UGGT2: variants seen among roughly 807,000 people sequenced by gnomAD.
The protein encoded by UGGT2 is UDP-glucose:glycoprotein glucosyltransferase 2.
Under a neutral mutation model 192.1 loss-of-function variants are expected in UGGT2, and 180 were observed. The observed-to-expected ratio is 0.94, with a 90% confidence interval of 0.83 to 1.06. The LOEUF (loss-of-function observed/expected upper bound fraction) is 1.06, where lower values mean the gene tolerates loss of function less well. Ranked by LOEUF, UGGT2 falls within the 50% of genes least tolerant of loss-of-function variation. The pLI, the probability that UGGT2 is intolerant of heterozygous loss-of-function variation, is 0.00. For missense variants in UGGT2, 1,849 were observed against 1,795.7 expected, an observed-to-expected ratio of 1.03 and a Z score of -0.54; for synonymous variants, 580 against 591.0, an observed-to-expected ratio of 0.98 and a Z score of 0.27.
intron 22 of UGGT2, among the ~76,000 whole-genome samples, chr13:95,898,474 G>A (rs991455814): frequency 6.6e-6 from 1 of 152,080 alleles, no homozygotes; most frequent in Non-Finnish European, 1.5e-5. Flanking sequence ...ACTCTGTCTA[G>A]AACAATCCTC....
intron 17 of UGGT2, among the ~76,000 whole-genome samples, chr13:95,927,786 G>A (rs1594351745): frequency 6.6e-6 from 1 of 152,054 alleles, no homozygotes; most frequent in African/African-American, 2.4e-5. Flanking sequence ...AAAGGTCTCT[G>A]GTTTTCCTAG....
At chr13:96,022,965 T>C in intron 4 of UGGT2, 75 bp downstream of exon 4, 1 of 1,043,886 alleles carries the variant, frequency 9.6e-7, no homozygotes, top group African/African-American at 1.6e-5. Context: ...AAATTTTTTT[T>C]ATTATAAGAA....
chr13:96,005,482 C>G (rs2051944123), intron 5 of UGGT2, among the ~76,000 whole-genome samples: 1 of 152,296 alleles, frequency 6.6e-6, no homozygotes, highest in South Asian at 2.1e-4. Context: ...CTGCTGAAAT[C>G]CACTTCAGAC....
chr13:95,929,827 T>C (rs2049181628), intron 17 of UGGT2, among the ~76,000 whole-genome samples: 1 of 152,166 alleles, frequency 6.6e-6, no homozygotes, highest in Admixed American at 6.5e-5. Context: ...GGTTGAATGG[T>C]AGTTCTGTTT....
chr13:95,951,668 A>T, intron 12 of UGGT2, among the ~76,000 whole-genome samples: 1 of 152,248 alleles, frequency 6.6e-6, no homozygotes, highest in African/African-American at 2.4e-5. Context: ...ACAGAAATTA[A>T]GTGTTCAACA....
In UGGT2 at chr13:95,949,337, A is replaced by G; in HGVS notation, c.1453T>C (p.Leu485=). Residue 485 remains leucine, a splice_region_variant and synonymous_variant, in exon 13 of 39, where the codon TTG becomes CTG. Transcript: ENST00000376747. ...VPSIRRNFHN[L]VLFIDPAQEY... ...TATAATCAAAATATAAAACTCACCA[A>G]ATTATGAAAATTGCGCCTTATGGAA... The G allele has an allele frequency of 1.3e-6, 2 of 1,533,254 alleles. No homozygotes were observed. The highest frequency in any genetic ancestry group is 2.6e-5 in the South Asian group (2 of 75,710). The allele number at this position is 1,533,254 out of a possible 1,614,324, so 95.0% of individuals were successfully genotyped here. A position where few individuals can be genotyped will look rare whatever the true frequency, so the allele number is the denominator to read the frequency against.
Position 95,877,846 on chromosome 13 carries a change from G to A in UGGT2, c.3239C>T (p.Thr1080Ile). The stretch of plus-strand genomic sequence containing the variant: ...TTCTAGTTCATATTCTGCTGTAACA[G>A]TTTTCTCAGTCTGTGGAGGAAGTAT... The part of the protein sequence containing the change: ...DNIHLKDTEK[T>I]VTAEYELEYL... Residue 1080 changes from threonine to isoleucine, a missense_variant, in exon 28 of 39, where the codon ACT becomes ATT. Coordinates refer to ENST00000376747, the MANE Select transcript of UGGT2 (RefSeq NM_020121.4). The A allele has an allele frequency of 6.2e-7, 1 of 1,612,582 alleles. No individual in the cohort carries two copies. Among genetic ancestry groups the A allele is most frequent in the East Asian group, 2.2e-5 (1 of 44,816 alleles).
At chr13:95,819,094 C>A (rs1164871630) in intron 38 of UGGT2, among the ~76,000 whole-genome samples, 1 of 152,066 alleles carries the variant, frequency 6.6e-6, no homozygotes, top group Admixed American at 6.5e-5. Context: ...AAACTTACCC[C>A]AAAATCACAC....
intron 38 of UGGT2, among the ~76,000 whole-genome samples, chr13:95,806,973 C>A (rs913530763): frequency 6.6e-6 from 1 of 152,066 alleles, no homozygotes; most frequent in Non-Finnish European, 1.5e-5. Context: ...TTGGATTGGG[C>A]AATACAGTTG....
intron 22 of UGGT2, 81 bp from the exon 23 acceptor site, chr13:95,895,385 ATTTC>A (rs1372062456): frequency 4.4e-6 from 4 of 900,692 alleles, no homozygotes; most frequent in Non-Finnish European, 6.2e-6. Flanking sequence ...TCAAATAGAT[ATTTC>A]TTTATTAAGC....
intron 36 of UGGT2, among the ~76,000 whole-genome samples, chr13:95,852,247 T>C (rs944112748): frequency 1.6e-4 from 25 of 152,186 alleles, no homozygotes; most frequent in Non-Finnish European, 1.0e-4. Flanking sequence ...CCCCCCATCT[T>C]TATCCCAACC....
chr13:95,884,176 A>T (rs2047578959), intron 27 of UGGT2, among the ~76,000 whole-genome samples: 1 of 152,012 alleles, frequency 6.6e-6, no homozygotes, highest in Admixed American at 6.6e-5. Context: ...TGTTGTACTA[A>T]GTTGCCAGGT....
At chr13:95,841,790 T>C (rs755340481) in intron 36 of UGGT2, among the ~76,000 whole-genome samples, 2 of 152,218 alleles carry the variant, frequency 1.3e-5, no homozygotes, top group African/African-American at 2.4e-5. Context: ...TTTACACCTA[T>C]GTTCATTTCT....
chr13:95,914,565 A>T (rs2048616808), intron 20 of UGGT2, among the ~76,000 whole-genome samples: 1 of 138,190 alleles, frequency 7.2e-6, no homozygotes, highest in African/African-American at 2.7e-5. Flanking sequence ...ACCTGAGGTG[A>T]GGAGTTCGAG....
At chr13:95,968,041 T>C (rs2050645346) in intron 12 of UGGT2, among the ~76,000 whole-genome samples, 3 of 152,244 alleles carry the variant, frequency 2.0e-5, no homozygotes, top group Admixed American at 6.5e-5. Flanking sequence ...ACACAACACT[T>C]TTATTTCCTC....
rs1482305688 is a variant in UGGT2, at chr13:95,947,445, ACT to A, written c.1542-275_1542-274del. 3.2e-4 allele frequency among the ~76,000 whole-genome samples: 46 copies of A among 144,944 alleles called. 1 individual carries two copies. The East Asian group carries it at 6.9e-3, about 22-fold the overall frequency. On this transcript the variant is annotated intron_variant, in intron 14 of 38. Transcript: ENST00000376747. The stretch of plus-strand genomic sequence containing the variant: ...TCTTTTGTACAAAAAGGGTAAATAT[ACT>A]CTTTTTATTTTTATTTTTTTTGAGA...
At chr13:96,009,490 A>G (rs905574243) in intron 5 of UGGT2, among the ~76,000 whole-genome samples, 3 of 152,202 alleles carry the variant, frequency 2.0e-5, no homozygotes, top group Non-Finnish European at 2.9e-5. Context: ...TTAAATTTAC[A>G]AGCAAAAAAT....
rs543951026 is a variant in UGGT2 at position 95,856,092 on chromosome 13, T to A, written c.4008+66A>T. The A allele has an allele frequency of 3.5e-5, 44 of 1,263,032 alleles. No homozygotes were observed. In the South Asian group the frequency reaches 6.1e-4, roughly 17 times the overall value. 78.2% of individuals were successfully genotyped at this position (1,263,032 alleles called of 1,614,324 possible). A position where few individuals can be genotyped will look rare whatever the true frequency, so the allele number is the denominator to read the frequency against. On this transcript the variant is annotated intron_variant, in intron 34 of 38. Transcript: ENST00000376747. ...TAAACATGAGCAACATGAATTAATCTCTATATTAAGATAGAAGTGTAAAAA... is the reference window on the plus strand; with the variant it reads ...TAAACATGAGCAACATGAATTAATCACTATATTAAGATAGAAGTGTAAAAA...
chr13:95,920,438 C>A (rs768724966), intron 20 of UGGT2, among the ~76,000 whole-genome samples: 21 of 152,058 alleles, frequency 1.4e-4, no homozygotes, highest in Non-Finnish European at 3.1e-4. Flanking sequence ...GAAAAAATTT[C>A]TCCAATCTAT....
Sources: allele counts gnomAD v4.1 joint callset (sites outside exome capture counted in the v4.1 genomes callset), GRCh38; gene constraint gnomAD v4.1.1; transcripts MANE v1.5; gene names NCBI Gene and HGNC (gene_info 2026-07-23, HGNC 2026-07-21).